The following ZDHHC20 variants were observed in gnomAD, a reference collection of about 807,000 sequenced individuals.
ZDHHC20 encodes the protein zDHHC palmitoyltransferase 20.
ZDHHC20 carries 43 observed loss-of-function variants against 57.8 expected under a neutral mutation model. The ratio of observed to expected loss-of-function variants is 0.74; its 90% confidence interval spans 0.58 to 0.96. The LOEUF (loss-of-function observed/expected upper bound fraction) is 0.96, where lower values mean the gene tolerates loss of function less well. Among genes scored for constraint, ZDHHC20 ranks in the 40% least tolerant of loss-of-function variants. The pLI is 0.00. For synonymous variants in ZDHHC20, 157 were observed against 153.0 expected, an observed-to-expected ratio of 1.03 and a Z score of -0.19; for missense variants, 391 against 441.1, an observed-to-expected ratio of 0.89 and a Z score of 1.02.
At chr13:21,384,785 T>A (rs545294196) in intron 9 of ZDHHC20, among the ~76,000 whole-genome samples, 2 of 152,264 alleles carry the variant, frequency 1.3e-5, no homozygotes, top group East Asian at 3.9e-4. Context: ...CGTAATACTC[T>A]GGACTCAACG....
In ZDHHC20 at chr13:21,373,161, T is replaced by C. The variant is rs1209470339; in HGVS notation, c.*3535A>G. 1.3e-5 allele frequency: 2 copies of C among 152,200 alleles called. No individual in the cohort carries two copies. The highest frequency in any genetic ancestry group is 4.8e-5 in the African/African-American group (2 of 41,466). 9.4% of individuals were successfully genotyped at this position (152,200 alleles called of 1,614,324 possible). A position where few individuals can be genotyped will look rare whatever the true frequency, so the allele number is the denominator to read the frequency against. On this transcript the variant is annotated 3_prime_UTR_variant, in exon 13 of 13. Coordinates refer to ENST00000400590, the MANE Select transcript of ZDHHC20 (RefSeq NM_001330059.2). ...TTCTTAATAACAGATTAGTTAAAAA[T>C]ACTTTCCATTGATAGCAGTGCTAGT...
intron 1 of ZDHHC20, among the ~76,000 whole-genome samples, chr13:21,432,153 A>G (rs889179269): frequency 7.2e-5 from 11 of 151,736 alleles, no homozygotes; most frequent in Non-Finnish European, 1.5e-4. Context: ...TCTTGCTCTC[A>G]TTTTATTTCA....
At chr13:21,403,004 A>G (rs1877924527) in intron 4 of ZDHHC20, 138 bp from the exon 5 acceptor site, 1 of 637,558 alleles carries the variant, frequency 1.6e-6, no homozygotes, top group Non-Finnish European at 2.8e-6. Context: ...ACAATACCAA[A>G]ATGTATTATA....
At chr13:21,415,885 C>A (rs1195117203) in intron 3 of ZDHHC20, among the ~76,000 whole-genome samples, 1 of 152,124 alleles carries the variant, frequency 6.6e-6, no homozygotes, top group Non-Finnish European at 1.5e-5. Context: ...TACTGCTACT[C>A]AACATCATTA....
In ZDHHC20 at chr13:21,381,436, G is replaced by C. The variant is rs1873392912; in HGVS notation, c.1058C>G (p.Ser353Ter). 1 of 1,611,628 alleles carries C rather than the reference G, an allele frequency of 6.2e-7. No homozygotes were observed. The highest frequency in any genetic ancestry group is 2.2e-5 in the East Asian group (1 of 44,872). Residue 353 changes from serine to a stop codon, truncating the protein, a stop_gained and splice_region_variant, in exon 11 of 13, where the codon TCA becomes TGA. Transcript: ENST00000400590. LOFTEE classifies it high-confidence loss of function. Reference sequence around the variant, plus strand: ...GTGTTTCAAATGAGAACTATTACCTGATTTGACGATGCCTTCTTCAGCTCC... The same window carrying C: ...GTGTTTCAAATGAGAACTATTACCTCATTTGACGATGCCTTCTTCAGCTCC... ...ENGAEEGIVK[S>*]GTNNHVTVAI...
intron 7 of ZDHHC20, among the ~76,000 whole-genome samples, chr13:21,395,871 C>A (rs1876704214): frequency 6.6e-6 from 1 of 152,118 alleles, no homozygotes; most frequent in Non-Finnish European, 1.5e-5. Context: ...GAAACTGCCC[C>A]TCCCCAGGCT....
At chr13:21,399,779 CTTGT>C (rs919972104) in intron 7 of ZDHHC20, among the ~76,000 whole-genome samples, 3 of 151,944 alleles carry the variant, frequency 2.0e-5, no homozygotes, top group African/African-American at 7.2e-5. Context: ...TCTTCCGTAC[CTTGT>C]TTTTTTCACG....
intron 1 of ZDHHC20, among the ~76,000 whole-genome samples, chr13:21,442,997 C>T (rs1386636997): frequency 1.3e-5 from 2 of 152,130 alleles, no homozygotes; most frequent in Non-Finnish European, 2.9e-5. Flanking sequence ...CCCTCTGGGG[C>T]AAAAGGGCTT....
At chr13:21,406,800 T>C (rs1262384781) in intron 4 of ZDHHC20, among the ~76,000 whole-genome samples, 2 of 152,168 alleles carry the variant, frequency 1.3e-5, no homozygotes, top group African/African-American at 2.4e-5. Flanking sequence ...GGCATTTGGG[T>C]TGGTTCCAAG....
chr13:21,431,038 G>C (rs1242769321), intron 1 of ZDHHC20, among the ~76,000 whole-genome samples: 1 of 152,126 alleles, frequency 6.6e-6, no homozygotes, highest in Non-Finnish European at 1.5e-5. Context: ...TCAGTTCATA[G>C]GCATTTGAGT....
intron 1 of ZDHHC20, among the ~76,000 whole-genome samples, chr13:21,457,925 A>G (rs536216560): frequency 7.9e-5 from 12 of 152,232 alleles, no homozygotes; most frequent in Non-Finnish European, 1.6e-4. Flanking sequence ...AAGGACTAAG[A>G]GTAGAACATT....
chr13:21,386,429 T>C (rs1464651983), intron 9 of ZDHHC20, among the ~76,000 whole-genome samples: 1 of 152,206 alleles, frequency 6.6e-6, no homozygotes, highest in African/African-American at 2.4e-5. Flanking sequence ...TTGCATGAAG[T>C]AGTGATAGTC....
In ZDHHC20 at chr13:21,423,705, T is replaced by C. The variant is rs571935825; in HGVS notation, c.145+1947A>G. Among the ~76,000 whole-genome samples, 3 of 150,354 alleles carry C rather than the reference T, an allele frequency of 2.0e-5. No homozygotes were observed. The East Asian group carries it at 5.8e-4, about 29-fold the overall frequency. ...AAAAGAAAAAGAAAAAATATATATATTATATGTATATTTTATATATTACAT... is the reference window on the plus strand; with the variant it reads ...AAAAGAAAAAGAAAAAATATATATACTATATGTATATTTTATATATTACAT... On this transcript the variant is annotated intron_variant, in intron 2 of 12. Transcript: ENST00000400590.
chr13:21,436,878 C>A (rs549338668), intron 1 of ZDHHC20, among the ~76,000 whole-genome samples: 2 of 152,088 alleles, frequency 1.3e-5, no homozygotes, highest in Non-Finnish European at 2.9e-5. Flanking sequence ...TTGTGAATGC[C>A]AAGGAAAAGT....
At chr13:21,441,690 C>T (rs938301076) in intron 1 of ZDHHC20, among the ~76,000 whole-genome samples, 48 of 151,672 alleles carry the variant, frequency 3.2e-4, no homozygotes, top group African/African-American at 1.1e-3. Flanking sequence ...GCATGAGCCA[C>T]CACGCCCAGC....
intron 1 of ZDHHC20, among the ~76,000 whole-genome samples, chr13:21,436,334 A>G (rs901613859): frequency 6.6e-6 from 1 of 152,170 alleles, no homozygotes; most frequent in Admixed American, 6.5e-5. Flanking sequence ...AGGTGCTTTG[A>G]TTTATTGTGC....
chr13:21,448,982 T>C (rs1485671797), intron 1 of ZDHHC20, among the ~76,000 whole-genome samples: 1 of 114,158 alleles, frequency 8.8e-6, no homozygotes, highest in East Asian at 2.1e-4. Context: ...TTAAGGGCGG[T>C]GCAAGATGTG....
At position 21,389,412 on chromosome 13, in the gene ZDHHC20, T is replaced by C. The variant is rs185795155; in HGVS notation, c.728-1778A>G. 7.3e-3 allele frequency among the ~76,000 whole-genome samples: 1,102 copies of C among 151,034 alleles called. 9 individuals are homozygous for C. Among genetic ancestry groups the C allele is most frequent in the African/African-American group, 0.026 (1,037 of 40,364 alleles). ...GTGACTTGCAACCCGCATTTCCTTT[T>C]AAGAAACTAGAAAAGAAAATATCAG... On this transcript the variant is annotated intron_variant, in intron 8 of 12. Transcript: ENST00000400590.
At chr13:21,395,196 A>C (rs1011155515) in intron 7 of ZDHHC20, among the ~76,000 whole-genome samples, 3 of 151,422 alleles carry the variant, frequency 2.0e-5, no homozygotes, top group Non-Finnish European at 4.4e-5. Flanking sequence ...CCTCCAGAGT[A>C]GCTGGGACTA....
Sources: gnomAD v4.1 joint callset for allele counts (sites outside exome capture counted in the v4.1 genomes callset) on GRCh38, gnomAD v4.1.1 for gene constraint, MANE v1.5 for transcripts, NCBI Gene and HGNC (gene_info 2026-07-23, HGNC 2026-07-21) for gene names.